The following YEATS2 variants were observed in gnomAD, a reference collection of about 807,000 sequenced individuals.
YEATS2 encodes YEATS domain-containing protein 2.
In YEATS2, 77 loss-of-function variants were observed where a neutral mutation model predicts 163.2. The ratio of observed to expected loss-of-function variants is 0.47; its 90% CI spans 0.39 to 0.57. The LOEUF (loss-of-function observed/expected upper bound fraction) is 0.57. Ranked by LOEUF, YEATS2 falls within the 20% of genes least tolerant of loss-of-function variation. The pLI is 0.00. For synonymous variants in YEATS2, 631 were observed against 645.1 expected, an observed-to-expected ratio of 0.98 and a Z score of 0.33; for missense variants, 1,549 against 1,729.8, an observed-to-expected ratio of 0.90 and a Z score of 1.85.
chr3:183,729,141 G>A (rs897284910), intron 7 of YEATS2, among the ~76,000 whole-genome samples: 3 of 152,110 alleles, frequency 2.0e-5, no homozygotes, highest in Non-Finnish European at 2.9e-5. Flanking sequence ...GCGTGGTGGC[G>A]GGCGCCTGTA....
intron 15 of YEATS2, among the ~76,000 whole-genome samples, chr3:183,766,776 C>G (rs1721948417): frequency 6.6e-6 from 1 of 152,136 alleles, no homozygotes; most frequent in East Asian, 1.9e-4. Context: ...CTCCAGCAAT[C>G]CCACCTCAGT....
In YEATS2 at chr3:183,715,124, A is replaced by T. The variant is rs766828632; in HGVS notation, c.-19-20A>T. ...TTTAACTGAATAATTAAAAATTATTAATTTATCATTGCTTCACAGTGAAGA... is the reference window on the plus strand; with the variant it reads ...TTTAACTGAATAATTAAAAATTATTTATTTATCATTGCTTCACAGTGAAGA... On this transcript the variant is annotated intron_variant, in intron 1 of 30. Coordinates refer to ENST00000305135, the MANE Select transcript of YEATS2 (RefSeq NM_018023.5). 1.4e-6 allele frequency: 2 copies of T among 1,465,462 alleles called. No individual in the cohort carries two copies. The highest frequency in any genetic ancestry group is 1.2e-5 in the South Asian group (1 of 84,988). 90.8% of individuals were successfully genotyped at this position (1,465,462 alleles called of 1,614,324 possible).
chr3:183,754,018 G>A (rs1720455889), intron 10 of YEATS2, 108 bp from the exon 11 acceptor site: 1 of 1,367,282 alleles, frequency 7.3e-7, no homozygotes, highest in Non-Finnish European at 9.8e-7. Flanking sequence ...ACCAGTACAT[G>A]GTTTAAAATG....
intron 27 of YEATS2, among the ~76,000 whole-genome samples, chr3:183,805,902 GGCTT>G (rs1726149448): frequency 1.3e-5 from 2 of 152,076 alleles, no homozygotes; most frequent in Non-Finnish European, 2.9e-5. Flanking sequence ...ACAGCATGAG[GGCTT>G]GTCTGACTTC....
chr3:183,783,781 A>G (rs1252422161), intron 19 of YEATS2, among the ~76,000 whole-genome samples: 1 of 152,150 alleles, frequency 6.6e-6, no homozygotes, highest in Non-Finnish European at 1.5e-5. Flanking sequence ...TCCACTGCTG[A>G]AGGGTACCTA....
At chr3:183,751,515 G>A (rs901602383) in intron 9 of YEATS2, among the ~76,000 whole-genome samples, 1 of 152,176 alleles carries the variant, frequency 6.6e-6, no homozygotes, top group African/African-American at 2.4e-5. Flanking sequence ...ATTGAGCGCT[G>A]GTCCAGGTGC....
rs76594291 is a variant in YEATS2 at position 183,725,033 on chromosome 3, G to A, written c.650+502G>A. On this transcript the variant is annotated intron_variant, in intron 6 of 30. Transcript: ENST00000305135. Reference sequence around the variant, plus strand: ...GCTGGAATTACAGGTGTGAGCCACCGTGCCGGCCTTTTTTTTTTTTTTTTT... The same window carrying A: ...GCTGGAATTACAGGTGTGAGCCACCATGCCGGCCTTTTTTTTTTTTTTTTT... Among the ~76,000 whole-genome samples the A allele has an allele frequency of 1.5e-3, 210 of 142,132 alleles. 2 individuals carry two copies. Among genetic ancestry groups the A allele is most frequent in the African/African-American group, 5.2e-3 (200 of 38,280 alleles). The allele number at this position is 142,132 out of a possible 152,430, so 93.2% of individuals were successfully genotyped here.
chr3:183,810,109 C>T (rs1361343316), intron 30 of YEATS2: 2 of 207,388 alleles, frequency 9.6e-6, no homozygotes, highest in Non-Finnish European at 1.9e-5. Context: ...GGCTCCGTCT[C>T]CCGTCTTTCT....
At chr3:183,806,591 A>G (rs263032) in intron 27 of YEATS2, 223,769 of 473,456 alleles carry the variant, frequency 0.47, 54,102 homozygotes, top group East Asian at 0.67. Context: ...GAGGGGGATG[A>G]CCTGGTTTTT....
intron 8 of YEATS2, among the ~76,000 whole-genome samples, chr3:183,744,656 C>T (rs1719339722): frequency 6.6e-6 from 1 of 152,040 alleles, no homozygotes; most frequent in Admixed American, 6.6e-5. Flanking sequence ...GTGTATTGGC[C>T]TTGAGACCCT....
intron 10 of YEATS2, 108 bp downstream of exon 10, chr3:183,752,361 A>T (rs1720259878): frequency 7.5e-7 from 1 of 1,331,750 alleles, no homozygotes; most frequent in Non-Finnish European, 1.0e-6. Context: ...ATAAGTGGAC[A>T]TGCTGCCTCT....
In YEATS2 at chr3:183,762,219, A is replaced by G. The variant is rs34339049; in HGVS notation, c.1887A>G (p.Gln629=). 2,376 of 1,614,034 alleles carry G rather than the reference A, an allele frequency of 1.5e-3. 35 individuals carry two copies. The African/African-American group carries it at 0.028, about 19-fold the overall frequency. The change falls in exon 15 of 31, where the codon CAA becomes CAG. Residue 629 remains glutamine (Q), a synonymous_variant. Coordinates refer to ENST00000305135, the MANE Select transcript of YEATS2 (RefSeq NM_018023.5). ...GTCACATGATAGCTGTGTCCCCTCAAAAACAGGTCATAACTCCTGGAGAAG... is the reference window on the plus strand; with the variant it reads ...GTCACATGATAGCTGTGTCCCCTCAGAAACAGGTCATAACTCCTGGAGAAG... ...KGGHMIAVSP[Q]KQVITPGEGI... is the part of the protein sequence containing the mutation.
intron 15 of YEATS2, among the ~76,000 whole-genome samples, chr3:183,768,172 C>T (rs185114894): frequency 1.6e-3 from 249 of 152,308 alleles, no homozygotes; most frequent in African/African-American, 5.7e-3. Context: ...ATCTAGATCC[C>T]TGGCTTTCCT....
chr3:183,749,174 A>T (rs969456667), intron 9 of YEATS2, among the ~76,000 whole-genome samples: 17 of 151,780 alleles, frequency 1.1e-4, no homozygotes, highest in South Asian at 4.2e-4. Flanking sequence ...CGATATCCTG[A>T]CCTTGTGATC....
Position 183,721,873 on chromosome 3 carries a change from T to C in YEATS2, c.292-18T>C. 1 of 1,608,382 alleles carries C rather than the reference T, an allele frequency of 6.2e-7. No homozygotes were observed. The highest frequency in any genetic ancestry group is 8.5e-7 in the Non-Finnish European group (1 of 1,177,096). ...GGATTTGATTAAAAATTTATTTGCT[T>C]GCTTTCATTTTTTGTAGGGATCAAA... On this transcript the variant is annotated intron_variant, in intron 4 of 30. Coordinates refer to ENST00000305135, the MANE Select transcript of YEATS2 (RefSeq NM_018023.5).
chr3:183,790,950 A>C lies in YEATS2; in HGVS notation c.3067A>C (p.Asn1023His). 6.2e-7 allele frequency: 1 copy of C among 1,614,106 alleles called. No individual in the cohort carries two copies. Among genetic ancestry groups the C allele is most frequent in the Non-Finnish European group, 8.5e-7 (1 of 1,179,994 alleles). Residue 1023 changes from asparagine to histidine, a missense_variant, in exon 21 of 31, where the codon AAC becomes CAC. Asn to His is a moderately conservative substitution (Grantham distance 68). Coordinates refer to ENST00000305135, the MANE Select transcript of YEATS2 (RefSeq NM_018023.5). ...VSATSLVPTP[N>H]PISGKATVSG... ...CGCCACGTCCCTCGTGCCTACACCA[A>C]ACCCCATCTCTGGGAAAGCCACAGT...
At chr3:183,708,961 A>G (rs895279833) in intron 1 of YEATS2, among the ~76,000 whole-genome samples, 3 of 152,136 alleles carry the variant, frequency 2.0e-5, no homozygotes. Context: ...GAGATTCGAG[A>G]CCAGCCTGGC....
At chr3:183,729,442 T>A (rs184936935) in intron 7 of YEATS2, among the ~76,000 whole-genome samples, 1 of 152,298 alleles carries the variant, frequency 6.6e-6, no homozygotes, top group African/African-American at 2.4e-5. Flanking sequence ...AAAATGTTAC[T>A]TCTTTTTATG....
chr3:183,769,681 G>A (rs1220176538), intron 15 of YEATS2, among the ~76,000 whole-genome samples: 3 of 152,066 alleles, frequency 2.0e-5, no homozygotes, highest in Admixed American at 6.6e-5. Context: ...ATTTGATTAA[G>A]GGACTGTTTT....
Sources: gnomAD v4.1 joint callset for allele counts (sites outside exome capture counted in the v4.1 genomes callset) on GRCh38, gnomAD v4.1.1 for gene constraint, MANE v1.5 for transcripts, NCBI Gene and HGNC (gene_info 2026-07-23, HGNC 2026-07-21) for gene names.